YBX3: variants seen among roughly 807,000 people sequenced by gnomAD.
YBX3 encodes the protein Y-box-binding protein 3.
Under a neutral mutation model 42.4 loss-of-function variants are expected in YBX3, and 29 were observed. That is an observed-to-expected ratio of 0.68 (90% CI 0.51 to 0.93). YBX3 has a LOEUF of 0.93. Among genes scored for constraint, YBX3 ranks in the 40% least tolerant of loss-of-function variants. The probability of loss-of-function intolerance (pLI) is 0.00; values close to 1 mark genes in which losing one functional copy is unlikely to be tolerated. For missense variants in YBX3, 517 were observed against 527.5 expected, an observed-to-expected ratio of 0.98 and a Z score of 0.19; for synonymous variants, 195 against 189.8, an observed-to-expected ratio of 1.03 and a Z score of -0.22.
rs776982516 is a variant in YBX3, at chr12:10,718,144, C to A, written c.327-23G>T. On this transcript the variant is annotated intron_variant, in intron 2 of 9. Transcript: ENST00000228251. ...TTTCTGTTGAAAGACAAAAAGCTCACAATTAAAGGTAGTACGTATGTGGAA... is the reference window on the plus strand; with the variant it reads ...TTTCTGTTGAAAGACAAAAAGCTCAAAATTAAAGGTAGTACGTATGTGGAA... 6.2e-6 allele frequency: 10 copies of A among 1,610,342 alleles called. No individual in the cohort carries two copies. In the South Asian group the frequency reaches 6.7e-5, roughly 11 times the overall value.
intron 4 of YBX3, among the ~76,000 whole-genome samples, chr12:10,713,866 T>C (rs775961682): frequency 2.0e-5 from 3 of 152,234 alleles, no homozygotes; most frequent in African/African-American, 7.2e-5. Flanking sequence ...TCCACACATG[T>C]AGTCCTTCTT....
intron 6 of YBX3, among the ~76,000 whole-genome samples, chr12:10,708,173 C>T (rs574350988): frequency 1.3e-5 from 2 of 152,302 alleles, no homozygotes; most frequent in Admixed American, 6.5e-5. Flanking sequence ...ACAACAAGCA[C>T]ATAGTAGCTC....
At position 10,718,103 on chromosome 12, in the gene YBX3, A is replaced by G; in HGVS notation, c.345T>C (p.Asp115=). The G allele has an allele frequency of 6.2e-7, 1 of 1,612,316 alleles. No individual in the cohort carries two copies. Among genetic ancestry groups the G allele is most frequent in the Non-Finnish European group, 8.5e-7 (1 of 1,179,168 alleles). Residue 115 remains aspartate, a synonymous_variant, in exon 3 of 10, where the codon GAT becomes GAC. Coordinates refer to ENST00000228251, the MANE Select transcript of YBX3 (RefSeq NM_003651.5). The part of the protein sequence containing the change: ...GFINRNDTKE[D]VFVHQTAIKK... ...TCCCTCTTACCTGATGTACAAATAC[A>G]TCTTCTTTGGTGTCATTTCTGTTGA... is the stretch of plus-strand genomic sequence containing the variant.
In YBX3 at chr12:10,719,134, A is replaced by G; in HGVS notation, c.272T>C (p.Val91Ala). ...DAEKKVLATK[V>A]LGTVKWFNVR... Reference sequence around the variant, plus strand: ...GTTGAACCATTTGACAGTGCCAAGGACTTTGGTGGCTAAAATAGGATTAAG... The same window carrying G: ...GTTGAACCATTTGACAGTGCCAAGGGCTTTGGTGGCTAAAATAGGATTAAG... Residue 91 changes from valine (V) to alanine (A), a missense_variant, in exon 2 of 10, where the codon GTC becomes GCC. Physicochemically the swap from Val to Ala is moderately conservative, Grantham distance 64. Transcript: ENST00000228251. The G allele has an allele frequency of 6.2e-7, 1 of 1,613,524 alleles. No individual in the cohort carries two copies. Among genetic ancestry groups the G allele is most frequent in the Admixed American group, 1.7e-5 (1 of 59,974 alleles).
chr12:10,703,623 T>C (rs1243232040), intron 7 of YBX3: 6 of 412,552 alleles, frequency 1.5e-5, no homozygotes, highest in African/African-American at 1.0e-4. Flanking sequence ...TAATGAACTG[T>C]AGAGTAGGAA....
At chr12:10,710,708 G>T in intron 5 of YBX3, 1 of 575,322 alleles carries the variant, frequency 1.7e-6, no homozygotes, top group Non-Finnish European at 3.0e-6. Context: ...AGGCTACAAT[G>T]ACATGTGGTC....
rs778160354 is a variant in YBX3 at position 10,713,221 on chromosome 12, G to C, written c.563C>G (p.Pro188Arg). The C allele has an allele frequency of 6.2e-7, 1 of 1,610,884 alleles. No individual in the cohort carries two copies. The highest frequency in any genetic ancestry group is 8.5e-7 in the Non-Finnish European group (1 of 1,179,164). ...RRGYYGRRRG[P>R]PRNYAGEEEE... ...ACAGAGACAACGTACATTCCGGGGA[G>C]GGCCACGGCGCCTTCCATAGTAGCC... Residue 188 changes from proline (P) to arginine (R), a missense_variant, in exon 5 of 10, where the codon CCT becomes CGT. Physicochemically the swap from Pro to Arg is moderately radical, Grantham distance 103. This residue lies in a region of YBX3 where 420 missense variants were observed against 408.5 expected (regional missense o/e 1.03). Transcript: ENST00000228251.
intron 3 of YBX3, chr12:10,716,147 G>A: frequency 5.7e-6 from 1 of 176,050 alleles, no homozygotes; most frequent in South Asian, 1.4e-4. Flanking sequence ...ATCTCCGGAG[G>A]AGGAAAGGAG....
intron 6 of YBX3, among the ~76,000 whole-genome samples, chr12:10,707,283 G>C (rs1948149214): frequency 6.6e-6 from 1 of 151,968 alleles, no homozygotes; most frequent in Non-Finnish European, 1.5e-5. Flanking sequence ...ACCTCCACTT[G>C]TACGTGAATT....
intron 6 of YBX3, among the ~76,000 whole-genome samples, chr12:10,709,056 G>A (rs1224155579): frequency 6.6e-6 from 1 of 152,136 alleles, no homozygotes; most frequent in Non-Finnish European, 1.5e-5. Flanking sequence ...GGCAGCTGTT[G>A]AAGAGTAGAA....
intron 3 of YBX3, 131 bp from the exon 4 acceptor site, chr12:10,715,914 C>T (rs1337945133): frequency 5.6e-6 from 4 of 715,426 alleles, no homozygotes; most frequent in South Asian, 1.8e-5. Context: ...CATTCTCCCA[C>T]TAAGTTGGAT....
chr12:10,709,337 G>A (rs1003183979), intron 6 of YBX3, among the ~76,000 whole-genome samples: 1 of 152,176 alleles, frequency 6.6e-6, no homozygotes, highest in African/African-American at 2.4e-5. Context: ...ATTCTGCAGT[G>A]AAAAAGGAGA....
chr12:10,702,127 G>T lies in YBX3; in HGVS notation c.886C>A (p.Pro296Thr). The stretch of plus-strand genomic sequence containing the variant: ...GCTGGGGCAGGTCGTGGGCGAGGAG[G>T]TCCCCTGCTGTAGGGAACACAGAAG... ...TYRPRYRSRG[P>T]PRPRPAPAVG... is the part of the protein sequence containing the mutation. The change falls in exon 8 of 10, where the codon CCT (proline) becomes ACT (threonine). Residue 296 changes from proline to threonine, a missense_variant. Pro to Thr is a conservative substitution (Grantham distance 38). This residue lies in a region of YBX3 where 420 missense variants were observed against 408.5 expected (regional missense o/e 1.03). Coordinates refer to ENST00000228251, the MANE Select transcript of YBX3 (RefSeq NM_003651.5). 1 of 1,613,788 alleles carries T rather than the reference G, an allele frequency of 6.2e-7. No homozygotes were observed. The highest frequency in any genetic ancestry group is 8.5e-7 in the Non-Finnish European group (1 of 1,179,830).
chr12:10,722,052 G>C, intron 1 of YBX3: 1 of 152,174 alleles, frequency 6.6e-6, no homozygotes, highest in Non-Finnish European at 1.5e-5. Context: ...ACAATGTTTT[G>C]AACTAACGTC....
chr12:10,719,933 TA>T (rs1186241026), intron 1 of YBX3, among the ~76,000 whole-genome samples: 28 of 152,326 alleles, frequency 1.8e-4, no homozygotes, highest in African/African-American at 5.8e-4. Flanking sequence ...CTAAACAAAA[TA>T]AAACTTCATG....
Position 10,722,701 on chromosome 12 carries a change from CCCCTGGGGACCCGGAGAT to C in YBX3, c.262+131_262+148del, listed in dbSNP as rs902037904. 2.0e-4 allele frequency: 143 copies of C among 709,788 alleles called. No individual in the cohort carries two copies. In the South Asian group the frequency reaches 2.9e-3, roughly 14 times the overall value. 44.0% of individuals were successfully genotyped at this position (709,788 alleles called of 1,614,324 possible). ...GCGGCCAGCGCTGGGGACCCGGAGA[CCCCTGGGGACCCGGAGAT>C]CCCTGGGGACCCTGTGCTGTCAGCG... On this transcript the variant is annotated intron_variant, in intron 1 of 9. Transcript: ENST00000228251.
intron 2 of YBX3, among the ~76,000 whole-genome samples, chr12:10,718,701 G>T (rs1474782296): frequency 6.6e-6 from 1 of 152,202 alleles, no homozygotes; most frequent in African/African-American, 2.4e-5. Context: ...GACCAGAAGT[G>T]AGTTAAAGAT....
At chr12:10,711,090 C>T (rs1173887658) in intron 5 of YBX3, 2 of 151,968 alleles carry the variant, frequency 1.3e-5, no homozygotes, top group Non-Finnish European at 2.9e-5. Context: ...AGCCCTAATC[C>T]TGGAGGTTTC....
At chr12:10,708,003 T>C (rs1467273756) in intron 6 of YBX3, among the ~76,000 whole-genome samples, 1 of 152,242 alleles carries the variant, frequency 6.6e-6, no homozygotes, top group African/African-American at 2.4e-5. Flanking sequence ...TTAAAAGTAA[T>C]CAAATTCCTT....
Sources: gnomAD v4.1 joint callset for allele counts (sites outside exome capture counted in the v4.1 genomes callset) on GRCh38, gnomAD v4.1.1 for gene constraint, gnomAD v4.1.1 regional missense constraint, MANE v1.5 for transcripts, NCBI Gene and HGNC (gene_info 2026-07-23, HGNC 2026-07-21) for gene names.